WRN: variants seen among roughly 807,000 people sequenced by gnomAD.
WRN encodes the protein bifunctional 3'-5' exonuclease/ATP-dependent helicase WRN.
WRN carries 149 observed loss-of-function variants against 180.7 expected under a neutral mutation model. The ratio of observed to expected loss-of-function variants is 0.82; its 90% CI spans 0.72 to 0.94. The LOEUF is 0.94. WRN is among the 40% of genes least tolerant of loss of function. The pLI is 0.00. For missense variants in WRN, 1,661 were observed against 1,700.1 expected, an observed-to-expected ratio of 0.98 and a Z score of 0.40; for synonymous variants, 548 against 568.9, an observed-to-expected ratio of 0.96 and a Z score of 0.52.
At chr8:31,097,469 G>A (rs1174520469) in intron 17 of WRN, among the ~76,000 whole-genome samples, 1 of 152,120 alleles carries the variant, frequency 6.6e-6, no homozygotes, top group Non-Finnish European at 1.5e-5. Context: ...TAGTGAGTAT[G>A]ATTTATTACA....
chr8:31,064,457 T>G, intron 4 of WRN, 23 bp downstream of exon 4: 1 of 1,613,924 alleles, frequency 6.2e-7, no homozygotes, highest in African/African-American at 1.3e-5. Flanking sequence ...ACATTTCATT[T>G]TTATATGGCT....
At chr8:31,077,385 C>T (rs991499301) in intron 8 of WRN, among the ~76,000 whole-genome samples, 24 of 150,250 alleles carry the variant, frequency 1.6e-4, no homozygotes, top group Non-Finnish European at 3.0e-4. Flanking sequence ...GGACTACCGG[C>T]GCCCGCCACC....
At chr8:31,125,555 T>TATATATATATATATATATATATAG in intron 23 of WRN, among the ~76,000 whole-genome samples, 1 of 128,906 alleles carries the variant, frequency 7.8e-6, no homozygotes, top group African/African-American at 2.8e-5. Context: ...TATATATATA[T>TATATATATATATATATATATATAG]ATATATATAT....
At chr8:31,064,150 G>A in intron 3 of WRN, 139 bp from the exon 4 acceptor site, 1 of 816,068 alleles carries the variant, frequency 1.2e-6, no homozygotes, top group Non-Finnish European at 1.9e-6. Context: ...ATATTTTCTG[G>A]CTGTTCATTG....
chr8:31,094,185 A>G (rs946192344), intron 16 of WRN, among the ~76,000 whole-genome samples: 1 of 152,202 alleles, frequency 6.6e-6, no homozygotes, highest in African/African-American at 2.4e-5. Flanking sequence ...TAAAATTCAC[A>G]GAACATAACT....
chr8:31,109,852 CT>C, intron 18 of WRN, among the ~76,000 whole-genome samples: 1 of 152,196 alleles, frequency 6.6e-6, no homozygotes, highest in African/African-American at 2.4e-5. Flanking sequence ...CCAAAACAGA[CT>C]TTTTTCACTG....
At chr8:31,131,397 C>A (rs1201803078) in intron 23 of WRN, 1 of 152,202 alleles carries the variant, frequency 6.6e-6, no homozygotes, top group Non-Finnish European at 1.5e-5. Flanking sequence ...TTCAAGTGAT[C>A]CACCCGCCTC....
At chr8:31,066,418 C>G (rs1208543904) in intron 5 of WRN, among the ~76,000 whole-genome samples, 1 of 151,368 alleles carries the variant, frequency 6.6e-6, no homozygotes, top group Non-Finnish European at 1.5e-5. Flanking sequence ...GATCTCCTGA[C>G]CTCATGATCC....
At position 31,132,469 on chromosome 8, in the gene WRN, T is replaced by C. The variant is rs1240153902; in HGVS notation, c.2930T>C (p.Phe977Ser). ...GCTGTGGACATCTTAGGCGAAAAAT[T>C]TGGAATTGGGCTTCCAATTTTATTT... Reference protein sequence around the residue: ...LSAVDILGEKFGIGLPILFLR... With the variant: ...LSAVDILGEKSGIGLPILFLR... Residue 977 changes from phenylalanine (F) to serine (S), a missense_variant, in exon 24 of 35, where the codon TTT becomes TCT. Physicochemically the swap from Phe to Ser is radical, Grantham distance 155 (BLOSUM62 -2). Coordinates refer to ENST00000298139, the MANE Select transcript of WRN (RefSeq NM_000553.6). 38 of 1,614,028 alleles carry C rather than the reference T, an allele frequency of 2.4e-5. No homozygotes were observed. Among genetic ancestry groups the C allele is most frequent in the Non-Finnish European group, 3.1e-5 (37 of 1,180,026 alleles).
intron 34 of WRN, among the ~76,000 whole-genome samples, chr8:31,168,074 A>C (rs1276348042): frequency 6.6e-6 from 1 of 152,080 alleles, no homozygotes; most frequent in Non-Finnish European, 1.5e-5. Flanking sequence ...TTAAACCCCT[A>C]CTTTTTTGAA....
intron 1 of WRN, among the ~76,000 whole-genome samples, chr8:31,043,258 A>G (rs1811724740): frequency 6.6e-6 from 1 of 152,190 alleles, no homozygotes. Context: ...ACCAGAGGAG[A>G]GTCCCGAAAT....
Position 31,132,658 on chromosome 8 carries a change from A to G in WRN, c.2967+152A>G. 3.7e-6 allele frequency: 4 copies of G among 1,089,058 alleles called. No individual in the cohort carries two copies. The South Asian group carries it at 6.0e-5, about 16-fold the overall frequency. The allele number at this position is 1,089,058 out of a possible 1,614,324, so 67.5% of individuals were successfully genotyped here. ...TTACTAAGTTCCAGTTAAACACTAC[A>G]TTCATTACTTTGGATAAAACCCGTG... On this transcript the variant is annotated intron_variant, in intron 24 of 34. Coordinates refer to ENST00000298139, the MANE Select transcript of WRN (RefSeq NM_000553.6).
At position 31,076,207 on chromosome 8, in the gene WRN, G is replaced by T; in HGVS notation, c.759G>T (p.Gln253His). The T allele has an allele frequency of 6.2e-7, 1 of 1,613,794 alleles. No homozygotes were observed. Among genetic ancestry groups the T allele is most frequent in the Non-Finnish European group, 8.5e-7 (1 of 1,179,896 alleles). ...TCCTACTTAGCGACATGAACAAACA[G>T]TTGACTTCAATCTCTGAGGAAGTGA... The part of the protein sequence containing the change: ...EEILLSDMNK[Q>H]LTSISEEVMD... Residue 253 changes from glutamine (Q) to histidine (H), a missense_variant, in exon 8 of 35, where the codon CAG (glutamine) becomes CAT (histidine). By Grantham distance (24) the Gln-to-His change is conservative (BLOSUM62 0). Transcript: ENST00000298139.
chr8:31,081,314 A>C lies in WRN; in HGVS notation c.1269+18A>C. ...CTACTGAGGTACTAAATAAAGAGGA[A>C]GCACATTTTTAGTTATTAGTAGGTT... is the stretch of plus-strand genomic sequence containing the variant. On this transcript the variant is annotated intron_variant, in intron 9 of 34. Transcript: ENST00000298139. 6.2e-7 allele frequency: 1 copy of C among 1,612,312 alleles called. No homozygotes were observed. Among genetic ancestry groups the C allele is most frequent in the Non-Finnish European group, 8.5e-7 (1 of 1,178,752 alleles).
Position 31,142,689 on chromosome 8 carries a change from T to C in WRN, c.3297T>C (p.Ser1099=). The C allele has an allele frequency of 6.2e-7, 1 of 1,604,172 alleles. No individual in the cohort carries two copies. The highest frequency in any genetic ancestry group is 1.7e-5 in the Admixed American group (1 of 59,730). Residue 1099 remains serine, a synonymous_variant, in exon 27 of 35, where the codon AGT becomes AGC. Transcript: ENST00000298139. Reference sequence around the variant, plus strand: ...ATAATCAAGTACCAGTTGAATTAAGTACAGAGAAGAAGGTTTGTTTTAAAG... The same window carrying C: ...ATAATCAAGTACCAGTTGAATTAAGCACAGAGAAGAAGGTTTGTTTTAAAG... ...HCYNQVPVEL[S]TEKKSNLEKL... is the part of the protein sequence containing the mutation.
intron 1 of WRN, among the ~76,000 whole-genome samples, chr8:31,035,272 A>AGT (rs998567516): frequency 6.6e-6 from 1 of 151,412 alleles, no homozygotes; most frequent in Non-Finnish European, 1.5e-5. Flanking sequence ...GGGGATGAAG[A>AGT]GTGTGTGTGT....
At chr8:31,073,402 C>T (rs1812981700) in intron 7 of WRN, among the ~76,000 whole-genome samples, 1 of 152,148 alleles carries the variant, frequency 6.6e-6, no homozygotes, top group Non-Finnish European at 1.5e-5. Context: ...TTGGTCAGAT[C>T]ATCTGATCAA....
At chr8:31,141,370 T>C in intron 24 of WRN, 60 bp from the exon 25 acceptor site, 1 of 1,598,652 alleles carries the variant, frequency 6.3e-7, no homozygotes, top group Non-Finnish European at 8.5e-7. Context: ...AGTCTGTGTT[T>C]TACTTAACCT....
At chr8:31,151,901 A>T (rs1057159553) in intron 31 of WRN, among the ~76,000 whole-genome samples, 2 of 150,594 alleles carry the variant, frequency 1.3e-5, no homozygotes, top group Non-Finnish European at 1.5e-5. Flanking sequence ...TTAGCCTTTT[A>T]TTTTTTTTTT....
Sources: allele counts gnomAD v4.1 joint callset (sites outside exome capture counted in the v4.1 genomes callset), GRCh38; gene constraint gnomAD v4.1.1; transcripts MANE v1.5; gene names NCBI Gene and HGNC (gene_info 2026-07-23, HGNC 2026-07-21).